Variants in HYCC1 observed in about 807,000 individuals in gnomAD.
HYCC1 encodes hyccin PI4KA lipid kinase complex subunit 1, also known as hyccin.
At chr7:22,930,374 G>A in the HYCC1 span, among the ~76,000 whole-genome samples, 3 of 111,546 alleles carry the variant, frequency 2.7e-5, no homozygotes, top group East Asian at 3.2e-4. Flanking sequence ...TAGAAACAAA[G>A]TAAAAAGAAA....
the HYCC1 span, among the ~76,000 whole-genome samples, chr7:23,000,401 C>T: frequency 6.6e-6 from 1 of 151,682 alleles, no homozygotes; most frequent in African/African-American, 2.4e-5. Flanking sequence ...TAGATATCTG[C>T]TCAACCAAAC....
At chr7:22,948,996 G>C in the HYCC1 span, among the ~76,000 whole-genome samples, 1 of 151,926 alleles carries the variant, frequency 6.6e-6, no homozygotes, top group Non-Finnish European at 1.5e-5. Context: ...TGACAGCCAA[G>C]ACTTGTTTAT....
the HYCC1 span, among the ~76,000 whole-genome samples, chr7:22,952,999 C>T: frequency 0.39 from 59,699 of 151,836 alleles, 11,717 homozygotes; most frequent in East Asian, 0.5. Flanking sequence ...TAGGAGCTAT[C>T]AGCAGTTTCC....
the HYCC1 span, among the ~76,000 whole-genome samples, chr7:22,921,783 C>CAT: frequency 6.6e-6 from 1 of 152,030 alleles, no homozygotes; most frequent in Non-Finnish European, 1.5e-5. Flanking sequence ...GTCAGCCCTT[C>CAT]ATATACACAG....
chr7:22,977,407 T>C, the HYCC1 span: 1 of 1,580,204 alleles, frequency 6.3e-7, no homozygotes. Flanking sequence ...TATGTCCCTG[T>C]TTGTCAACTA....
the HYCC1 span, among the ~76,000 whole-genome samples, chr7:23,008,327 T>C: frequency 6.6e-6 from 1 of 151,970 alleles, no homozygotes; most frequent in Admixed American, 6.6e-5. Flanking sequence ...ATATCAAATA[T>C]ACCACTTGAA....
At chr7:22,903,803 T>C in the HYCC1 span, among the ~76,000 whole-genome samples, 8 of 152,272 alleles carry the variant, frequency 5.3e-5, no homozygotes, top group Admixed American at 5.2e-4. Flanking sequence ...TTAAAGGAAA[T>C]TTGTCAACAT....
chr7:22,921,939 G>A, the HYCC1 span, among the ~76,000 whole-genome samples: 1 of 151,900 alleles, frequency 6.6e-6, no homozygotes, highest in South Asian at 2.1e-4. Flanking sequence ...ATATGTATAG[G>A]AAAGCTCTAG....
chr7:22,993,176 T>C, the HYCC1 span, among the ~76,000 whole-genome samples: 2 of 152,146 alleles, frequency 1.3e-5, no homozygotes, highest in East Asian at 1.9e-4. Flanking sequence ...GTTATTTGGA[T>C]AGCTACATGG....
At chr7:22,986,209 C>T in the HYCC1 span, among the ~76,000 whole-genome samples, 30 of 152,238 alleles carry the variant, frequency 2.0e-4, no homozygotes, top group East Asian at 5.2e-3. Context: ...TGGACCCAGG[C>T]TACCACTGAT....
the HYCC1 span, chr7:22,978,371 T>G: frequency 6.2e-7 from 1 of 1,613,980 alleles, no homozygotes; most frequent in East Asian, 2.2e-5. Flanking sequence ...CTGGGAGAAA[T>G]TGCAGCGTAA....
chr7:22,896,505 AT>A, the HYCC1 span, among the ~76,000 whole-genome samples: 1 of 152,242 alleles, frequency 6.6e-6, no homozygotes, highest in African/African-American at 2.4e-5. Flanking sequence ...TAGCAACTGC[AT>A]AGCCCAGAAA....
chr7:22,978,538 A>T, the HYCC1 span: 1 of 1,074,438 alleles, frequency 9.3e-7, no homozygotes, highest in Middle Eastern at 2.1e-4. Flanking sequence ...TCAGATTGGT[A>T]AAAATCATAT....
the HYCC1 span, among the ~76,000 whole-genome samples, chr7:23,004,809 T>C: frequency 3.9e-5 from 6 of 152,182 alleles, no homozygotes; most frequent in African/African-American, 1.4e-4. Context: ...GCTTTTTTTG[T>C]TTCGTTTTGT....
chr7:22,975,337 T>C, the HYCC1 span, among the ~76,000 whole-genome samples: 1 of 152,200 alleles, frequency 6.6e-6, no homozygotes, highest in Non-Finnish European at 1.5e-5. Context: ...TCATTGTTAA[T>C]ATTCTGGTCA....
At chr7:22,953,418 T>C in the HYCC1 span, among the ~76,000 whole-genome samples, 3 of 151,914 alleles carry the variant, frequency 2.0e-5, no homozygotes, top group Non-Finnish European at 4.4e-5. Context: ...TTAGTAAAAA[T>C]GTAGAATACA....
chr7:23,011,677 A>G, the HYCC1 span, among the ~76,000 whole-genome samples: 1 of 152,276 alleles, frequency 6.6e-6, no homozygotes, highest in African/African-American at 2.4e-5. Flanking sequence ...TAACCCCTGC[A>G]TTCAAGCCAT....
the HYCC1 span, among the ~76,000 whole-genome samples, chr7:23,005,243 C>T: frequency 6.6e-6 from 1 of 152,110 alleles, no homozygotes; most frequent in South Asian, 2.1e-4. Context: ...CCAAAAAACC[C>T]GGGCCAATTT....
the HYCC1 span, among the ~76,000 whole-genome samples, chr7:22,917,013 G>A: frequency 3.3e-5 from 5 of 152,258 alleles, no homozygotes; most frequent in South Asian, 4.1e-4. Flanking sequence ...TCTCAAGGTC[G>A]CTTTACTTCC....
Sources: allele counts gnomAD v4.1 joint callset (sites outside exome capture counted in the v4.1 genomes callset), GRCh38; gene constraint gnomAD v4.1.1; transcripts MANE v1.5; gene names NCBI Gene and HGNC (gene_info 2026-07-23, HGNC 2026-07-21).